Variants in EXOC6B observed in about 807,000 individuals in gnomAD.
EXOC6B encodes exocyst complex component 6B, also known as SEC15 homolog B.
In EXOC6B, 54 loss-of-function variants were observed where a neutral mutation model predicts 113.5. That is an observed-to-expected ratio of 0.48 (90% CI 0.38 to 0.60). The LOEUF (loss-of-function observed/expected upper bound fraction) is 0.60. Ranked by LOEUF, EXOC6B falls within the 20% of genes least tolerant of loss-of-function variation. EXOC6B has a pLI of 0.00. For synonymous variants in EXOC6B, 357 were observed against 339.0 expected (o/e 1.05, Z -0.58); for missense variants, 797 against 977.5 (o/e 0.82, Z 2.46).
intron 20 of EXOC6B, among the ~76,000 whole-genome samples, chr2:72,327,072 C>T (rs556046005): frequency 1.4e-4 from 22 of 152,078 alleles, no homozygotes; most frequent in Non-Finnish European, 3.1e-4. Flanking sequence ...GAAGGACCTT[C>T]AACTGCTGCT....
At chr2:72,634,884 A>T (rs934009337) in intron 6 of EXOC6B, among the ~76,000 whole-genome samples, 11 of 152,128 alleles carry the variant, frequency 7.2e-5, no homozygotes, top group African/African-American at 2.7e-4. Context: ...AACAAATTTA[A>T]ACAAATAGAA....
chr2:72,574,475 A>G (rs1704707556), intron 7 of EXOC6B, among the ~76,000 whole-genome samples: 1 of 152,180 alleles, frequency 6.6e-6, no homozygotes. Flanking sequence ...ATCCAAGACT[A>G]CAAAATTAGG....
rs755364038 is a variant in EXOC6B, at chr2:72,632,687, AT to A, written c.670-57020del. 4.0e-5 allele frequency among the ~76,000 whole-genome samples: 6 copies of A among 151,522 alleles called. No homozygotes were observed. The East Asian group carries it at 9.7e-4, about 24-fold the overall frequency. ...AAGTCTCAAACACTAGCTTCTCTCA[AT>A]TTTTTTTTATTTTTTTATTTTTTGA... On this transcript the variant is annotated intron_variant, in intron 6 of 21. Coordinates refer to ENST00000272427, the MANE Select transcript of EXOC6B (RefSeq NM_015189.3).
At chr2:72,341,081 A>T (rs932584417) in intron 19 of EXOC6B, among the ~76,000 whole-genome samples, 2 of 152,196 alleles carry the variant, frequency 1.3e-5, no homozygotes, top group African/African-American at 4.8e-5. Flanking sequence ...GTATGCTTGT[A>T]TGGACATGTA....
Position 72,408,885 on chromosome 2 carries a change from G to A in EXOC6B, c.1981-29015C>T, listed in dbSNP as rs1021567379. On this transcript the variant is annotated intron_variant, in intron 18 of 21. Coordinates refer to ENST00000272427, the MANE Select transcript of EXOC6B (RefSeq NM_015189.3). ...ACAAATGGGATCTCATTAAACTAAA[G>A]AGCTTCTGCACAGCAAAAGGAACTA... 1.5e-4 allele frequency among the ~76,000 whole-genome samples: 23 copies of A among 152,250 alleles called. 2 individuals carry two copies. The highest frequency in any genetic ancestry group is 4.6e-4 in the African/African-American group (19 of 41,554).
chr2:72,739,036 T>G (rs1681139711), intron 2 of EXOC6B, among the ~76,000 whole-genome samples: 1 of 152,248 alleles, frequency 6.6e-6, no homozygotes, highest in Non-Finnish European at 1.5e-5. Context: ...TGTTCATACA[T>G]TTTAATCAGC....
rs1421820454 is a variant in EXOC6B, at chr2:72,490,131, GGACC to G, written c.1665+2183_1665+2186del. 3.9e-5 allele frequency among the ~76,000 whole-genome samples: 6 copies of G among 152,170 alleles called. No individual in the cohort carries two copies. In the East Asian group the frequency reaches 1.2e-3, roughly 29 times the overall value. ...ACTAAAACAATATCCATGTTACTAT[GGACC>G]TCCTGTAAAAATCTCAATTTTTGTT... On this transcript the variant is annotated intron_variant, in intron 16 of 21. Transcript: ENST00000272427.
In EXOC6B at chr2:72,769,743, T is replaced by TGGA. The variant is rs1392427853; in HGVS notation, c.114-28277_114-28275dup. On this transcript the variant is annotated intron_variant, in intron 1 of 21. Transcript: ENST00000272427. ...AGGAGAATTGCTTGAACTCAGGAGG[T>TGGA]GGAGGTTGCAGTGAGCCGAGATCGT... Among the ~76,000 whole-genome samples, 7 of 151,948 alleles carry TGGA rather than the reference T, an allele frequency of 4.6e-5. No homozygotes were observed. In the South Asian group the frequency reaches 1.5e-3, roughly 32 times the overall value.
chr2:72,291,382 G>A (rs1346432539), intron 20 of EXOC6B, among the ~76,000 whole-genome samples: 1 of 152,128 alleles, frequency 6.6e-6, no homozygotes, highest in African/African-American at 2.4e-5. Flanking sequence ...ACAAATATAA[G>A]GGATCTTTAC....
intron 6 of EXOC6B, among the ~76,000 whole-genome samples, chr2:72,683,409 G>C (rs2104553779): frequency 6.6e-6 from 1 of 152,154 alleles, no homozygotes; most frequent in South Asian, 2.1e-4. Flanking sequence ...TATACTTATG[G>C]ACATTAAATA....
chr2:72,254,533 C>T (rs1429870375), intron 20 of EXOC6B, among the ~76,000 whole-genome samples: 1 of 152,186 alleles, frequency 6.6e-6, no homozygotes, highest in Non-Finnish European at 1.5e-5. Context: ...AATTTTGTTA[C>T]AATAGCCATA....
chr2:72,471,769 C>A (rs1698425508), intron 17 of EXOC6B, among the ~76,000 whole-genome samples: 1 of 152,122 alleles, frequency 6.6e-6, no homozygotes, highest in African/African-American at 2.4e-5. Flanking sequence ...AATGAGCATC[C>A]TTGTCCTGGG....
At chr2:72,625,915 C>T (rs1285916320) in intron 6 of EXOC6B, among the ~76,000 whole-genome samples, 1 of 152,146 alleles carries the variant, frequency 6.6e-6, no homozygotes, top group Non-Finnish European at 1.5e-5. Flanking sequence ...ATTACTTTTA[C>T]ATGGTTTCAA....
At chr2:72,679,818 G>A (rs1034931204) in intron 6 of EXOC6B, among the ~76,000 whole-genome samples, 1 of 152,182 alleles carries the variant, frequency 6.6e-6, no homozygotes, top group African/African-American at 2.4e-5. Context: ...TGATTCTGGT[G>A]GTATTAGCAA....
chr2:72,425,395 A>C (rs1348424478), intron 18 of EXOC6B, among the ~76,000 whole-genome samples: 1 of 152,204 alleles, frequency 6.6e-6, no homozygotes, highest in Non-Finnish European at 1.5e-5. Flanking sequence ...GCCAGTTACA[A>C]CTACATGTTA....
chr2:72,421,308 T>G (rs1265828899), intron 18 of EXOC6B, among the ~76,000 whole-genome samples: 1 of 152,194 alleles, frequency 6.6e-6, no homozygotes, highest in African/African-American at 2.4e-5. Flanking sequence ...AACTACACAT[T>G]CTTTATATTA....
intron 20 of EXOC6B, among the ~76,000 whole-genome samples, chr2:72,269,184 A>C (rs185199511): frequency 6.1e-4 from 93 of 152,328 alleles, no homozygotes; most frequent in African/African-American, 2.0e-3. Context: ...TTTCTAAATA[A>C]AAATAAAGAT....
At chr2:72,676,392 T>A (rs1000517969) in intron 6 of EXOC6B, among the ~76,000 whole-genome samples, 1 of 152,192 alleles carries the variant, frequency 6.6e-6, no homozygotes, top group Non-Finnish European at 1.5e-5. Context: ...GTAAACACTA[T>A]CAGTCATGTT....
At chr2:72,217,034 C>G (rs200699428) in intron 20 of EXOC6B, among the ~76,000 whole-genome samples, 1 of 119,974 alleles carries the variant, frequency 8.3e-6, no homozygotes, top group African/African-American at 3.0e-5. Context: ...GACTCCATAT[C>G]AAAAAAAAAA....
Sources: gnomAD v4.1 joint callset for allele counts (sites outside exome capture counted in the v4.1 genomes callset) on GRCh38, gnomAD v4.1.1 for gene constraint, MANE v1.5 for transcripts, NCBI Gene and HGNC (gene_info 2026-07-23, HGNC 2026-07-21) for gene names.